Variants in FOXP1 observed in about 807,000 individuals in gnomAD.
FOXP1 encodes the protein forkhead box P1.
FOXP1 carries 15 observed loss-of-function variants against 98.2 expected under a neutral mutation model. That is an observed-to-expected ratio of 0.15 (90% CI 0.10 to 0.24). The LOEUF is 0.24. Ranked by LOEUF, FOXP1 falls within the 10% of genes least tolerant of loss-of-function variation. FOXP1 has a pLI of 1.00. For missense variants in FOXP1, 633 were observed against 848.5 expected (o/e 0.75, Z 3.15); for synonymous variants, 371 against 314.5 (o/e 1.18, Z -1.90).
In FOXP1 at chr3:71,553,388, G is replaced by A. The variant is rs139063308; in HGVS notation, c.-298+28161C>T. 9.3e-3 allele frequency among the ~76,000 whole-genome samples: 1,413 copies of A among 152,118 alleles called. 8 individuals carry two copies. The highest frequency in any genetic ancestry group is 0.024 in the Middle Eastern group (7 of 294). Reference sequence around the variant, plus strand: ...GGCCTCATCAATTTCATTTCTATACGGAATTCACATTATCTGATTTAAAAT... The same window carrying A: ...GGCCTCATCAATTTCATTTCTATACAGAATTCACATTATCTGATTTAAAAT... On this transcript the variant is annotated intron_variant, in intron 2 of 20. Coordinates refer to ENST00000649528, the MANE Select transcript of FOXP1 (RefSeq NM_001349338.3).
At chr3:71,270,932 G>C (rs6793420) in intron 5 of FOXP1, among the ~76,000 whole-genome samples, 1 of 152,224 alleles carries the variant, frequency 6.6e-6, no homozygotes, top group South Asian at 2.1e-4. Context: ...GCACCCATCT[G>C]TTTAAAGAAT....
intron 6 of FOXP1, among the ~76,000 whole-genome samples, chr3:71,142,657 C>T (rs865898567): frequency 6.6e-6 from 1 of 152,168 alleles, no homozygotes; most frequent in Non-Finnish European, 1.5e-5. Context: ...TGGATTCTAC[C>T]AACATCCTGG....
chr3:71,198,760 TCG>T (rs2063472764), intron 5 of FOXP1, among the ~76,000 whole-genome samples: 1 of 151,990 alleles, frequency 6.6e-6, no homozygotes, highest in Non-Finnish European at 1.5e-5. Flanking sequence ...CGGTGCAATC[TCG>T]GCTCACTGCA....
intron 2 of FOXP1, among the ~76,000 whole-genome samples, chr3:71,544,054 T>C (rs1347619590): frequency 1.3e-5 from 2 of 151,988 alleles, no homozygotes; most frequent in African/African-American, 4.8e-5. Context: ...TATGTGTGTA[T>C]ACACATACAT....
chr3:71,197,916 AG>A (rs2063390871), intron 6 of FOXP1: 3 of 1,614,214 alleles, frequency 1.9e-6, no homozygotes, highest in Non-Finnish European at 8.5e-7. Flanking sequence ...AAAATGGGGA[AG>A]GGTTAGGCTG....
intron 11 of FOXP1, among the ~76,000 whole-genome samples, chr3:71,039,029 C>T (rs564478749): frequency 1.3e-5 from 2 of 152,114 alleles, no homozygotes; most frequent in African/African-American, 4.8e-5. Flanking sequence ...TGAAGGTGCT[C>T]ATTTGTCTTG....
intron 13 of FOXP1, among the ~76,000 whole-genome samples, chr3:70,998,120 G>T (rs2041630922): frequency 6.6e-6 from 1 of 152,162 alleles, no homozygotes; most frequent in South Asian, 2.1e-4. Flanking sequence ...AATATAAATT[G>T]TTTTTCTGAT....
intron 5 of FOXP1, among the ~76,000 whole-genome samples, chr3:71,252,745 G>A (rs1346708792): frequency 6.6e-6 from 1 of 152,198 alleles, no homozygotes; most frequent in African/African-American, 2.4e-5. Context: ...TAGGCCAACA[G>A]CTGTTACAGA....
rs2048163277 is a variant in FOXP1 at position 71,581,458 on chromosome 3, C to G, written c.-298+91G>C. On this transcript the variant is annotated intron_variant, in intron 2 of 20. Transcript: ENST00000649528. Reference sequence around the variant, plus strand: ...GCCTTATCGCTAGGCTCGCGCCACCCCGGCTGGCTCTTTGGGGACGGAGAA... The same window carrying G: ...GCCTTATCGCTAGGCTCGCGCCACCGCGGCTGGCTCTTTGGGGACGGAGAA... 18 of 985,514 alleles carry G rather than the reference C, an allele frequency of 1.8e-5. No homozygotes were observed. In the South Asian group the frequency reaches 8.5e-4, roughly 46 times the overall value. The allele number at this position is 985,514 out of a possible 1,614,324, so 61.0% of individuals were successfully genotyped here. A position where few individuals can be genotyped will look rare whatever the true frequency, so the allele number is the denominator to read the frequency against.
intron 20 of FOXP1, among the ~76,000 whole-genome samples, chr3:70,961,418 A>G (rs749700449): frequency 1.2e-4 from 18 of 151,038 alleles, no homozygotes; most frequent in Non-Finnish European, 2.5e-4. Flanking sequence ...TTTAGTACAG[A>G]TGAGGTTTCA....
chr3:71,047,369 T>C (rs773690545), intron 9 of FOXP1, among the ~76,000 whole-genome samples: 4 of 152,182 alleles, frequency 2.6e-5, no homozygotes, highest in Non-Finnish European at 5.9e-5. Context: ...CTGAGTTTTG[T>C]CATCAAGATG....
chr3:71,331,964 A>G (rs1031293401), intron 4 of FOXP1, among the ~76,000 whole-genome samples: 1 of 152,222 alleles, frequency 6.6e-6, no homozygotes, highest in African/African-American at 2.4e-5. Context: ...AACATGGACC[A>G]ATCAGCTCTC....
At chr3:71,135,892 T>C (rs569420391) in intron 6 of FOXP1, among the ~76,000 whole-genome samples, 1 of 152,204 alleles carries the variant, frequency 6.6e-6, no homozygotes, top group Non-Finnish European at 1.5e-5. Context: ...TTGCATCGAC[T>C]ATGCCTTCTT....
intron 7 of FOXP1, among the ~76,000 whole-genome samples, chr3:71,096,599 G>A (rs1413955176): frequency 1.3e-5 from 2 of 152,140 alleles, no homozygotes; most frequent in Non-Finnish European, 2.9e-5. Context: ...CATCTTAGGA[G>A]GGCTCCATGT....
At chr3:71,367,071 T>C (rs755183867) in intron 3 of FOXP1, among the ~76,000 whole-genome samples, 4 of 152,206 alleles carry the variant, frequency 2.6e-5, no homozygotes, top group Non-Finnish European at 5.9e-5. Context: ...AAAATACATC[T>C]TGATCACAAA....
intron 4 of FOXP1, among the ~76,000 whole-genome samples, chr3:71,327,843 A>G (rs748695687): frequency 6.6e-6 from 1 of 152,174 alleles, no homozygotes; most frequent in Non-Finnish European, 1.5e-5. Context: ...TTTGCTTATT[A>G]TAACACATTC....
At chr3:71,055,115 T>C (rs2107162395) in intron 7 of FOXP1, among the ~76,000 whole-genome samples, 1 of 152,332 alleles carries the variant, frequency 6.6e-6, no homozygotes, top group South Asian at 2.1e-4. Flanking sequence ...ATCCTGACTT[T>C]TTCACATGAT....
At chr3:71,182,502 A>ATGTGTGTGTGTGTGTG (rs1234678062) in intron 6 of FOXP1, among the ~76,000 whole-genome samples, 32 of 133,700 alleles carry the variant, frequency 2.4e-4, no homozygotes, top group African/African-American at 9.0e-4. Flanking sequence ...AACTATATAT[A>ATGTGTGTGTGTGTGTG]TGTGTGTGTG....
chr3:71,398,330 T>A (rs1429238845), intron 3 of FOXP1, among the ~76,000 whole-genome samples: 8 of 152,226 alleles, frequency 5.3e-5, no homozygotes, highest in African/African-American at 1.9e-4. Context: ...CTCATTTTTT[T>A]AAAACAGTGC....
Sources: gnomAD v4.1 joint callset for allele counts (sites outside exome capture counted in the v4.1 genomes callset) on GRCh38, gnomAD v4.1.1 for gene constraint, MANE v1.5 for transcripts, NCBI Gene and HGNC (gene_info 2026-07-23, HGNC 2026-07-21) for gene names.